The following UBE2J1 variants were observed in gnomAD, a reference collection of about 807,000 sequenced individuals.
UBE2J1 encodes the protein ubiquitin-conjugating enzyme E2 J1.
A neutral mutation model predicts 42.1 loss-of-function variants in UBE2J1; 17 were observed. The ratio of observed to expected loss-of-function variants is 0.40; its 90% CI spans 0.28 to 0.61. The LOEUF (loss-of-function observed/expected upper bound fraction) is 0.61. UBE2J1 is among the 20% of genes least tolerant of loss of function. UBE2J1 has a pLI of 0.38. For synonymous variants in UBE2J1, 127 were observed against 137.2 expected, an observed-to-expected ratio of 0.93 and a Z score of 0.52; for missense variants, 291 against 389.4, an observed-to-expected ratio of 0.75 and a Z score of 2.13.
At chr6:89,334,662 G>A (rs1208963648) in intron 6 of UBE2J1, among the ~76,000 whole-genome samples, 1 of 151,798 alleles carries the variant, frequency 6.6e-6, no homozygotes, top group Non-Finnish European at 1.5e-5. Context: ...GTAGAGACGG[G>A]GTTTCTCCAT....
At position 89,329,805 on chromosome 6, in the gene UBE2J1, T is replaced by G; in HGVS notation, c.831A>C (p.Pro277=). 1 of 1,614,158 alleles carries G rather than the reference T, an allele frequency of 6.2e-7. No individual in the cohort carries two copies. Among genetic ancestry groups the G allele is most frequent in the Non-Finnish European group, 8.5e-7 (1 of 1,180,012 alleles). ...CACCATGATCAGTGTGGTTGTCTCT[T>G]GGCTGGTGGCCCTGGATTACATCTG... is the stretch of plus-strand genomic sequence containing the variant. ...TSPDVIQGHQ[P]RDNHTDHGGS... Residue 277 remains proline, a synonymous_variant, in exon 8 of 8, where the codon CCA becomes CCC. Coordinates refer to ENST00000435041, the MANE Select transcript of UBE2J1 (RefSeq NM_016021.3).
chr6:89,327,644 T>A lies in UBE2J1; in HGVS notation c.*2035A>T, dbSNP rs1383001252. 1 of 152,212 alleles carries A rather than the reference T, an allele frequency of 6.6e-6. No homozygotes were observed. Among genetic ancestry groups the A allele is most frequent in the Non-Finnish European group, 1.5e-5 (1 of 68,050 alleles). The allele number at this position is 152,212 out of a possible 1,614,324, so 9.4% of individuals were successfully genotyped here. ...GTCAGATAGCAAAGGATCTGCACAG[T>A]GCAAAATCTTCTTGGCTTTTTATTT... On this transcript the variant is annotated 3_prime_UTR_variant, in exon 8 of 8. Coordinates refer to ENST00000435041, the MANE Select transcript of UBE2J1 (RefSeq NM_016021.3).
Position 89,352,661 on chromosome 6 carries a change from C to T in UBE2J1, c.-92G>A, listed in dbSNP as rs1034811199. 1.6e-5 allele frequency: 22 copies of T among 1,387,930 alleles called. No individual in the cohort carries two copies. Among genetic ancestry groups the T allele is most frequent in the East Asian group, 3.0e-5 (1 of 33,404 alleles). 86.0% of individuals were successfully genotyped at this position (1,387,930 alleles called of 1,614,324 possible). ...CGGGTCTCAGCGCGGCTCGGGCGGA[C>T]GGGGCCTGGCCGAGGAGCCTCGGCA... On this transcript the variant is annotated 5_prime_UTR_variant, in exon 1 of 8. Coordinates refer to ENST00000435041, the MANE Select transcript of UBE2J1 (RefSeq NM_016021.3).
In UBE2J1 at chr6:89,344,260, G is replaced by A. The variant is rs75566648; in HGVS notation, c.32-504C>T. Reference sequence around the variant, plus strand: ...AATGTATTCTCTGGATCTCATGCTCGGTGAACAGGAAACACCTCTATATCC... The same window carrying A: ...AATGTATTCTCTGGATCTCATGCTCAGTGAACAGGAAACACCTCTATATCC... On this transcript the variant is annotated intron_variant, in intron 1 of 7. Coordinates refer to ENST00000435041, the MANE Select transcript of UBE2J1 (RefSeq NM_016021.3). 7.9e-3 allele frequency among the ~76,000 whole-genome samples: 1,201 copies of A among 152,176 alleles called. 13 individuals are homozygous for A. Among genetic ancestry groups the A allele is most frequent in the African/African-American group, 0.028 (1,162 of 41,500 alleles).
In UBE2J1 at chr6:89,328,564, T is replaced by C. The variant is rs1372905224; in HGVS notation, c.*1115A>G. The C allele has an allele frequency of 6.6e-6, 1 of 152,214 alleles. No homozygotes were observed. The highest frequency in any genetic ancestry group is 1.5e-5 in the Non-Finnish European group (1 of 68,042). The allele number at this position is 152,214 out of a possible 1,614,324, so 9.4% of individuals were successfully genotyped here. Reference sequence around the variant, plus strand: ...AACTGAACATGCTGAAGGCAATGTTTTTCTGTGATTATATGGTTTCACCAG... The same window carrying C: ...AACTGAACATGCTGAAGGCAATGTTCTTCTGTGATTATATGGTTTCACCAG... On this transcript the variant is annotated 3_prime_UTR_variant, in exon 8 of 8. Coordinates refer to ENST00000435041, the MANE Select transcript of UBE2J1 (RefSeq NM_016021.3).
intron 3 of UBE2J1, among the ~76,000 whole-genome samples, chr6:89,341,036 A>G (rs2127868806): frequency 6.6e-6 from 1 of 152,158 alleles, no homozygotes; most frequent in African/African-American, 2.4e-5. Context: ...CGGCCTCCCA[A>G]AGTGCTGGGA....
At chr6:89,343,296 G>A (rs961598088) in intron 2 of UBE2J1, among the ~76,000 whole-genome samples, 15 of 152,104 alleles carry the variant, frequency 9.9e-5, no homozygotes, top group African/African-American at 3.6e-4. Context: ...TTAGCCGGGC[G>A]TGGTGGTGGG....
At position 89,338,455 on chromosome 6, in the gene UBE2J1, T is replaced by A; in HGVS notation, c.322+4A>T. On this transcript the variant is annotated splice_donor_region_variant and intron_variant, in intron 4 of 7. Coordinates refer to ENST00000435041, the MANE Select transcript of UBE2J1 (RefSeq NM_016021.3). ...ATTTATATTCACTATAAATTAACAC[T>A]TACTACTCCACGAAGGCTGCCAAGT... is the stretch of plus-strand genomic sequence containing the variant. 1 of 1,609,040 alleles carries A rather than the reference T, an allele frequency of 6.2e-7. No homozygotes were observed. Among genetic ancestry groups the A allele is most frequent in the Admixed American group, 1.7e-5 (1 of 59,570 alleles).
chr6:89,335,416 A>G lies in UBE2J1; in HGVS notation c.444T>C (p.Cys148=), dbSNP rs202011366. The G allele has an allele frequency of 2.9e-5, 45 of 1,575,226 alleles. No homozygotes were observed. In the South Asian group the frequency reaches 4.7e-4, roughly 17 times the overall value. ...RALAKKSQDF[C]CEGCGSAMKD... ...TCATGGCAGAGCCACATCCTTCACAACAGAAATCTTGTGATCTAGTAGAAA... is the reference window on the plus strand; with the variant it reads ...TCATGGCAGAGCCACATCCTTCACAGCAGAAATCTTGTGATCTAGTAGAAA... Residue 148 remains cysteine, a synonymous_variant, in exon 6 of 8, where the codon TGT becomes TGC. Coordinates refer to ENST00000435041, the MANE Select transcript of UBE2J1 (RefSeq NM_016021.3).
At chr6:89,345,900 T>C (rs1768354217) in intron 1 of UBE2J1, among the ~76,000 whole-genome samples, 1 of 126,616 alleles carries the variant, frequency 7.9e-6, no homozygotes, top group Non-Finnish European at 1.6e-5. Context: ...AGAGCGAAAC[T>C]ACGTCTAAAA....
At chr6:89,345,132 G>A (rs1322783047) in intron 1 of UBE2J1, among the ~76,000 whole-genome samples, 5 of 152,182 alleles carry the variant, frequency 3.3e-5, no homozygotes, top group Admixed American at 2.0e-4. Flanking sequence ...GGTACTGAAT[G>A]TGAAAGAAAT....
intron 6 of UBE2J1, among the ~76,000 whole-genome samples, chr6:89,333,765 G>T (rs1768051338): frequency 6.6e-6 from 1 of 152,180 alleles, no homozygotes; most frequent in Admixed American, 6.5e-5. Context: ...AATTTTAAGT[G>T]TAATAGGAAT....
At chr6:89,332,639 A>G (rs1241156108) in intron 7 of UBE2J1, among the ~76,000 whole-genome samples, 2 of 152,200 alleles carry the variant, frequency 1.3e-5, no homozygotes, top group East Asian at 3.8e-4. Context: ...TTAAATGTAG[A>G]CACCTGCATG....
chr6:89,334,474 CTTTTTTT>C (rs763354270), intron 6 of UBE2J1, among the ~76,000 whole-genome samples: 3 of 138,460 alleles, frequency 2.2e-5, no homozygotes, highest in Admixed American at 7.2e-5. Context: ...TTTCTTTTTT[CTTTTTTT>C]TTTTTTTGAG....
intron 2 of UBE2J1, among the ~76,000 whole-genome samples, chr6:89,343,429 C>T (rs1207734181): frequency 2.5e-5 from 3 of 121,446 alleles, no homozygotes; most frequent in Non-Finnish European, 1.7e-5. Flanking sequence ...AGTGAGACTC[C>T]GCCTCAAAAA....
intron 6 of UBE2J1, 127 bp from the exon 7 acceptor site, chr6:89,333,332 G>A: frequency 2.7e-6 from 3 of 1,105,082 alleles, no homozygotes; most frequent in Non-Finnish European, 3.8e-6. Flanking sequence ...CTATTATCAG[G>A]CAGTTAATCA....
Position 89,352,600 on chromosome 6 carries a change from GGGCCGCTGCCACCTCCTCTCCACGC to G in UBE2J1, c.-56_-32del, listed in dbSNP as rs1768509178. 21 of 1,547,848 alleles carry G rather than the reference GGGCCGCTGCCACCTCCTCTCCACGC, an allele frequency of 1.4e-5. 1 individual carries two copies. Among genetic ancestry groups the G allele is most frequent in the Middle Eastern group, 3.4e-4 (2 of 5,898 alleles). On this transcript the variant is annotated 5_prime_UTR_variant, in exon 1 of 8. Coordinates refer to ENST00000435041, the MANE Select transcript of UBE2J1 (RefSeq NM_016021.3). ...GTCGCTGGCTTGGCTCCGGCCTCCC[GGGCCGCTGCCACCTCCTCTCCACGC>G]GGCCGCTGCCCGGGTCTCAGCGCGG...
Position 89,333,267 on chromosome 6 carries a change from T to C in UBE2J1, c.559-62A>G, listed in dbSNP as rs909055949. 9.2e-6 allele frequency: 14 copies of C among 1,525,026 alleles called. No homozygotes were observed. The African/African-American group carries it at 1.7e-4, about 18-fold the overall frequency. 94.5% of individuals were successfully genotyped at this position (1,525,026 alleles called of 1,614,324 possible). On this transcript the variant is annotated intron_variant, in intron 6 of 7. Coordinates refer to ENST00000435041, the MANE Select transcript of UBE2J1 (RefSeq NM_016021.3). ...AGGAAACAACAGGAAACATACACAA[T>C]CTACAACCTGCTAAATCCTCTCTGT...
At chr6:89,346,485 A>G (rs995841424) in intron 1 of UBE2J1, among the ~76,000 whole-genome samples, 3 of 151,752 alleles carry the variant, frequency 2.0e-5, no homozygotes, top group African/African-American at 7.3e-5. Context: ...CCCTGAACAC[A>G]CTTTACCTCC....
Sources: allele counts gnomAD v4.1 joint callset (sites outside exome capture counted in the v4.1 genomes callset), GRCh38; gene constraint gnomAD v4.1.1; transcripts MANE v1.5; gene names NCBI Gene and HGNC (gene_info 2026-07-23, HGNC 2026-07-21).